MAPK15: variants seen among roughly 807,000 people sequenced by gnomAD.
MAPK15 encodes mitogen-activated protein kinase 15.
Under a neutral mutation model 60.8 loss-of-function variants are expected in MAPK15, and 61 were observed. The ratio of observed to expected loss-of-function variants is 1.00; its 90% CI spans 0.82 to 1.24. MAPK15 has a LOEUF of 1.24. MAPK15 is among the 50% of genes most tolerant of loss of function. MAPK15 has a pLI of 0.00. For synonymous variants in MAPK15, 356 were observed against 319.9 expected (o/e 1.11, Z -1.21); for missense variants, 808 against 741.1 (o/e 1.09, Z -1.05).
chr8:143,717,776 A>T lies in MAPK15; in HGVS notation c.149A>T (p.Asp50Val), dbSNP rs1554618672. 6.2e-7 allele frequency: 1 copy of T among 1,611,296 alleles called. No individual in the cohort carries two copies. The highest frequency in any genetic ancestry group is 8.5e-7 in the Non-Finnish European group (1 of 1,179,078). Residue 50 changes from aspartate (D) to valine (V), a missense_variant, in exon 2 of 14, where the codon GAT (aspartate) becomes GTT (valine). By Grantham distance (152) the Asp-to-Val change is radical. Transcript: ENST00000338033. ...AIKKIFDAFR[D>V]KTDAQRTFRE... is the part of the protein sequence containing the mutation. Reference sequence around the variant, plus strand: ...AAGAAAATCTTTGATGCTTTTAGGGATAAGACAGATGCCCAGGTGAGTGTG... The same window carrying T: ...AAGAAAATCTTTGATGCTTTTAGGGTTAAGACAGATGCCCAGGTGAGTGTG...
At chr8:143,718,727 G>GACCCCCCC in intron 4 of MAPK15, 48 bp from the exon 5 acceptor site, 1 of 514,524 alleles carries the variant, frequency 1.9e-6, no homozygotes, top group Non-Finnish European at 3.2e-6. Context: ...CCCCCAGGTT[G>GACCCCCCC]CCCCCCCAGC....
Position 143,716,422 on chromosome 8 carries a change from C to G in MAPK15, c.45C>G (p.Leu15=), listed in dbSNP as rs62524242. 1.2e-6 allele frequency: 2 copies of G among 1,604,350 alleles called. No individual in the cohort carries two copies. The highest frequency in any genetic ancestry group is 1.7e-6 in the Non-Finnish European group (2 of 1,176,522). ...VDPRIVRRYL[L]RRQLGQGAYG... ...CTCGCATTGTCCGGAGATACCTACT[C>G]AGGCGGCAGCTCGGGCAGGGGGTGA... The change falls in exon 1 of 14, where the codon CTC becomes CTG. Residue 15 remains leucine, a synonymous_variant. Coordinates refer to ENST00000338033, the MANE Select transcript of MAPK15 (RefSeq NM_139021.3).
Position 143,721,062 on chromosome 8 carries a change from G to T in MAPK15, c.980G>T (p.Gly327Val), listed in dbSNP as rs1554619665. ...GATGTGCGGCCCCGGGCACACGAAG[G>T]GGTCCAGCTCTCTGTGCCTGAGTAC... ...EADVRPRAHE[G>V]VQLSVPEYRS... Residue 327 changes from glycine to valine, a missense_variant, in exon 10 of 14, where the codon GGG becomes GTG. Transcript: ENST00000338033. The T allele has an allele frequency of 6.2e-7, 1 of 1,612,194 alleles. No homozygotes were observed. Among genetic ancestry groups the T allele is most frequent in the South Asian group, 1.1e-5 (1 of 91,040 alleles).
chr8:143,721,912 C>T (rs1554620050), intron 13 of MAPK15, 32 bp downstream of exon 13: 1 of 1,534,258 alleles, frequency 6.5e-7, no homozygotes, highest in Non-Finnish European at 8.8e-7. Context: ...CCCGTCCCCT[C>T]ATCCTCCTTT....
chr8:143,721,857 GT>G lies in MAPK15; in HGVS notation c.1436del (p.Val479GlyfsTer?). On this transcript the variant is annotated frameshift_variant, in exon 13 of 14. Transcript: ENST00000338033. LOFTEE classifies it low-confidence loss of function (END_TRUNC). ...IRGDWNRGGG[V>X]RVASVQQVPP... is the part of the protein sequence containing the mutation. The stretch of plus-strand genomic sequence containing the variant: ...GGGTGACTGGAACCGGGGCGGTGGG[GT>G]GAGGGTGGCCAGCGTACAACAGGTA... 6.2e-7 allele frequency: 1 copy of G among 1,601,262 alleles called. No individual in the cohort carries two copies. The highest frequency in any genetic ancestry group is 8.5e-7 in the Non-Finnish European group (1 of 1,174,384).
chr8:143,720,292 G>C lies in MAPK15; in HGVS notation c.779+5G>C. On this transcript the variant is annotated splice_donor_5th_base_variant and intron_variant, in intron 8 of 13. Transcript: ENST00000338033. This position sits in a 1 kb window ranked among gnomAD's most constrained non-coding sequence, Gnocchi z 4.6. ...GCTGCACCAGCTGGGGTCCCGGTGA[G>C]TGGGGGCACTTCGGTGAGGGTGACA... The C allele has an allele frequency of 2.5e-6, 4 of 1,584,932 alleles. No homozygotes were observed. Among genetic ancestry groups the C allele is most frequent in the Non-Finnish European group, 3.4e-6 (4 of 1,164,770 alleles).
rs782348062 is a variant in MAPK15, at chr8:143,721,738, A to G, written c.1330-14A>G. On this transcript the variant is annotated splice_polypyrimidine_tract_variant and intron_variant, in intron 12 of 13. Transcript: ENST00000338033. ...CTGCACCTTTCAGTGACCCTGTGACATGGCCCTTCCCAGGTGAAGCCAAGC... is the reference window on the plus strand; with the variant it reads ...CTGCACCTTTCAGTGACCCTGTGACGTGGCCCTTCCCAGGTGAAGCCAAGC... The G allele has an allele frequency of 1.9e-6, 3 of 1,613,572 alleles. No homozygotes were observed. The highest frequency in any genetic ancestry group is 3.3e-5 in the Admixed American group (2 of 59,984).
rs202182231 is a variant in MAPK15 at position 143,718,301 on chromosome 8, G to A, written c.285G>A (p.Met95Ile). 9.3e-6 allele frequency: 15 copies of A among 1,613,778 alleles called. No individual in the cohort carries two copies. The highest frequency in any genetic ancestry group is 3.3e-4 in the Middle Eastern group (2 of 6,062). The stretch of plus-strand genomic sequence containing the variant: ...ACATTTACCTGGTGTTTGAGTTTAT[G>A]GGTGAGTGAGGCCCCGGCCAGCGCC... ...DRDIYLVFEF[M>I]DTDLNAVIRK... is the part of the protein sequence containing the mutation. The change falls in exon 4 of 14, where the codon ATG becomes ATA. Residue 95 changes from methionine (M) to isoleucine (I), a missense_variant and splice_region_variant. Physicochemically the swap from Met to Ile is conservative, Grantham distance 10. Coordinates refer to ENST00000338033, the MANE Select transcript of MAPK15 (RefSeq NM_139021.3).
chr8:143,721,905 G>C, intron 13 of MAPK15, 25 bp downstream of exon 13: 1 of 1,542,532 alleles, frequency 6.5e-7, no homozygotes. Context: ...GTCTGCCCCC[G>C]TCCCCTCATC....
In MAPK15 at chr8:143,718,081, G is replaced by C. The variant is rs1554618765; in HGVS notation, c.195+5G>C. ...CGGGAAATCACGCTCCTCCAGGTGAGTGGCCTGGGCCCTCCAGTCCAATCC... is the reference window on the plus strand; with the variant it reads ...CGGGAAATCACGCTCCTCCAGGTGACTGGCCTGGGCCCTCCAGTCCAATCC... On this transcript the variant is annotated splice_donor_5th_base_variant and intron_variant, in intron 3 of 13. Coordinates refer to ENST00000338033, the MANE Select transcript of MAPK15 (RefSeq NM_139021.3). 1 of 1,614,098 alleles carries C rather than the reference G, an allele frequency of 6.2e-7. No individual in the cohort carries two copies.
chr8:143,718,169 C>G (rs782181718), intron 3 of MAPK15, 43 bp from the exon 4 acceptor site: 1 of 1,612,866 alleles, frequency 6.2e-7, no homozygotes, highest in Non-Finnish European at 8.5e-7. Context: ...CCCCAGAGCA[C>G]AGCCCCTCCT....
In MAPK15 at chr8:143,718,285, T is replaced by C; in HGVS notation, c.269T>C (p.Leu90Pro). ...IRAENDRDIY[L>P]VFEFMDTDLN... ...GCAGAGAACGACAGGGACATTTACC[T>C]GGTGTTTGAGTTTATGGGTGAGTGA... is the stretch of plus-strand genomic sequence containing the variant. Residue 90 changes from leucine to proline, a missense_variant, in exon 4 of 14, where the codon CTG becomes CCG. By Grantham distance (98) the Leu-to-Pro change is moderately conservative. Transcript: ENST00000338033. 6.2e-7 allele frequency: 1 copy of C among 1,614,046 alleles called. No individual in the cohort carries two copies. Among genetic ancestry groups the C allele is most frequent in the Non-Finnish European group, 8.5e-7 (1 of 1,180,012 alleles).
rs782588566 is a variant in MAPK15 at position 143,718,896 on chromosome 8, G to A, written c.408G>A (p.Arg136=). 3 of 1,606,100 alleles carry A rather than the reference G, an allele frequency of 1.9e-6. No homozygotes were observed. The highest frequency in any genetic ancestry group is 2.6e-6 in the Non-Finnish European group (3 of 1,176,098). Residue 136 remains arginine, a synonymous_variant, in exon 5 of 14, where the codon CGG becomes CGA. Transcript: ENST00000338033. ...TCCACTCGGGGCACGTTGTGCACCG[G>A]GACCAGAAGGTGCGGTTCCCCCGCC... ...RFLHSGHVVH[R]DQKPSNVLLD... is the part of the protein sequence containing the mutation.
At chr8:143,719,699 A>C (rs1817971844) in intron 7 of MAPK15, among the ~76,000 whole-genome samples, 1 of 152,146 alleles carries the variant, frequency 6.6e-6, no homozygotes, top group Admixed American at 6.5e-5. Flanking sequence ...CACCTGGCAC[A>C]GTCACCATGA....
intron 7 of MAPK15, among the ~76,000 whole-genome samples, chr8:143,719,896 T>C (rs1304358728): frequency 6.6e-6 from 1 of 151,392 alleles, no homozygotes; most frequent in African/African-American, 2.4e-5. Context: ...GGGGTCACTC[T>C]TGAGGGCGGG....
In MAPK15 at chr8:143,718,029, G is replaced by T; in HGVS notation, c.166-18G>T. ...TCTTGCTCCACCCACCCACACACCT[G>T]TGTTTCTGTCTCTTCAGAGAACATT... On this transcript the variant is annotated intron_variant, in intron 2 of 13. Transcript: ENST00000338033. 1.2e-6 allele frequency: 2 copies of T among 1,614,076 alleles called. No individual in the cohort carries two copies. The highest frequency in any genetic ancestry group is 1.7e-6 in the Non-Finnish European group (2 of 1,179,990).
chr8:143,720,456 C>T lies in MAPK15; in HGVS notation c.779+169C>T. The T allele has an allele frequency of 4.1e-6, 6 of 1,448,334 alleles. No homozygotes were observed. Among genetic ancestry groups the T allele is most frequent in the Non-Finnish European group, 5.5e-6 (6 of 1,097,530 alleles). 89.7% of individuals were successfully genotyped at this position (1,448,334 alleles called of 1,614,324 possible). ...TTGGCCACACTGAAAGCAGGAGCCC[C>T]TCTGGTGCTCCTAGAGGGTGGCCCA... On this transcript the variant is annotated intron_variant, in intron 8 of 13. Coordinates refer to ENST00000338033, the MANE Select transcript of MAPK15 (RefSeq NM_139021.3). This position sits in a 1 kb window ranked among gnomAD's most constrained non-coding sequence, Gnocchi z 4.6.
At chr8:143,718,754 C>A in intron 4 of MAPK15, 21 bp from the exon 5 acceptor site, 2 of 1,300,606 alleles carry the variant, frequency 1.5e-6, no homozygotes, top group Non-Finnish European at 2.0e-6. Flanking sequence ...CCCCCGACTG[C>A]AGTGCGCACC....
intron 1 of MAPK15, among the ~76,000 whole-genome samples, 192 bp downstream of exon 1, chr8:143,716,635 C>T (rs1386818748): frequency 6.6e-6 from 1 of 152,186 alleles, no homozygotes; most frequent in Non-Finnish European, 1.5e-5. Flanking sequence ...ACGATCCTGA[C>T]TCCCAGGAAC....
Sources: gnomAD v4.1 joint callset for allele counts (sites outside exome capture counted in the v4.1 genomes callset) on GRCh38, gnomAD v4.1.1 for gene constraint, Gnocchi (gnomAD v3.1) non-coding constraint, MANE v1.5 for transcripts, NCBI Gene and HGNC (gene_info 2026-07-23, HGNC 2026-07-21) for gene names.